Variants in SLC44A5 observed in about 807,000 individuals in gnomAD.
SLC44A5 encodes solute carrier family 44 member 5.
A neutral mutation model predicts 101.8 loss-of-function variants in SLC44A5; 57 were observed. The ratio of observed to expected loss-of-function variants is 0.56; its 90% CI spans 0.45 to 0.70. The LOEUF is 0.70. Ranked by LOEUF, SLC44A5 falls within the 30% of genes least tolerant of loss-of-function variation. SLC44A5 has a pLI of 0.00. For missense variants in SLC44A5, 737 were observed against 853.1 expected (o/e 0.86, Z 1.70); for synonymous variants, 281 against 290.9 (o/e 0.97, Z 0.35).
rs74487559 is a variant in SLC44A5 at position 75,583,397 on chromosome 1, A to G, written c.-70+27643T>C. On this transcript the variant is annotated intron_variant, in intron 1 of 23. Coordinates refer to ENST00000370859, the MANE Select transcript of SLC44A5 (RefSeq NM_001130058.2). ...TTCCTATGCCCTACATGTTTCCTAC[A>G]ATAGACAATGAGCTCTTTATCTGAC... 6.2e-3 allele frequency among the ~76,000 whole-genome samples: 951 copies of G among 152,248 alleles called. 11 individuals carry two copies. Among genetic ancestry groups the G allele is most frequent in the African/African-American group, 0.022 (902 of 41,546 alleles).
chr1:75,492,431 A>G (rs1310504158), intron 2 of SLC44A5, among the ~76,000 whole-genome samples: 1 of 152,222 alleles, frequency 6.6e-6, no homozygotes, highest in Non-Finnish European at 1.5e-5. Flanking sequence ...TCTGGCAAAA[A>G]GGAAGCACTC....
chr1:75,477,226 A>G (rs1036966521), intron 2 of SLC44A5, among the ~76,000 whole-genome samples: 1 of 152,242 alleles, frequency 6.6e-6, no homozygotes, highest in Non-Finnish European at 1.5e-5. Flanking sequence ...ACAAACAGAA[A>G]GGACATCCAC....
chr1:75,554,036 C>T (rs1035948800), intron 1 of SLC44A5, among the ~76,000 whole-genome samples: 1 of 151,990 alleles, frequency 6.6e-6, no homozygotes, highest in Non-Finnish European at 1.5e-5. Flanking sequence ...TTGAGGCCAA[C>T]GAAATTTGAA....
At chr1:75,638,152 TAA>T in the SLC44A5 span, among the ~76,000 whole-genome samples, 1 of 151,978 alleles carries the variant, frequency 6.6e-6, no homozygotes, top group Admixed American at 6.6e-5. Flanking sequence ...TGATACAAAA[TAA>T]AAAGACTTAA....
intron 9 of SLC44A5, among the ~76,000 whole-genome samples, chr1:75,239,017 A>C (rs1475317728): frequency 1.3e-5 from 2 of 152,138 alleles, no homozygotes; most frequent in Non-Finnish European, 2.9e-5. Flanking sequence ...TTTACTATTA[A>C]AAATACATAT....
intron 2 of SLC44A5, among the ~76,000 whole-genome samples, chr1:75,490,783 T>C (rs962740035): frequency 2.0e-5 from 3 of 152,198 alleles, no homozygotes; most frequent in South Asian, 4.1e-4. Flanking sequence ...CTATCTCCAG[T>C]GGTCAGGGAG....
At chr1:75,478,129 A>T (rs1219425663) in intron 2 of SLC44A5, among the ~76,000 whole-genome samples, 1 of 152,244 alleles carries the variant, frequency 6.6e-6, no homozygotes, top group Non-Finnish European at 1.5e-5. Context: ...TTGTCAACCC[A>T]GAATTTCATA....
At chr1:75,663,582 T>C in the SLC44A5 span, among the ~76,000 whole-genome samples, 1 of 152,156 alleles carries the variant, frequency 6.6e-6, no homozygotes, top group East Asian at 1.9e-4. Flanking sequence ...GATAAGTTCC[T>C]AGACATACAC....
intron 3 of SLC44A5, among the ~76,000 whole-genome samples, chr1:75,391,050 C>T (rs1374573716): frequency 6.6e-6 from 1 of 152,008 alleles, no homozygotes; most frequent in Non-Finnish European, 1.5e-5. Flanking sequence ...ACAGCAGTAA[C>T]ATTCAAGCTG....
At chr1:75,429,190 G>A (rs1294689229) in intron 2 of SLC44A5, among the ~76,000 whole-genome samples, 1 of 152,070 alleles carries the variant, frequency 6.6e-6, no homozygotes, top group East Asian at 1.9e-4. Context: ...AAGAATACCT[G>A]GAATGTTTTT....
At chr1:75,455,112 C>T (rs76001546) in intron 2 of SLC44A5, among the ~76,000 whole-genome samples, 35,599 of 152,006 alleles carry the variant, frequency 0.23, 4,292 homozygotes, top group African/African-American at 0.27. Flanking sequence ...CATTACCAAA[C>T]TTCAAACTAT....
chr1:75,596,811 G>A (rs1300924966), intron 1 of SLC44A5, among the ~76,000 whole-genome samples: 2 of 151,970 alleles, frequency 1.3e-5, no homozygotes, highest in Admixed American at 6.6e-5. Flanking sequence ...AAAACAATAA[G>A]AGCCATATAC....
the SLC44A5 span, among the ~76,000 whole-genome samples, chr1:75,704,006 G>A: frequency 6.7e-6 from 1 of 149,664 alleles, no homozygotes; most frequent in Admixed American, 6.6e-5. Context: ...TGGGCAACAT[G>A]GTGGGACCCT....
intron 5 of SLC44A5, among the ~76,000 whole-genome samples, chr1:75,285,813 T>C (rs569469252): frequency 4.0e-4 from 61 of 152,274 alleles, no homozygotes; most frequent in African/African-American, 1.2e-3. Context: ...TCTGATTTTA[T>C]TCTACTGTGG....
intron 7 of SLC44A5, among the ~76,000 whole-genome samples, chr1:75,249,209 G>A (rs964223691): frequency 2.0e-5 from 3 of 151,836 alleles, no homozygotes; most frequent in Non-Finnish European, 4.4e-5. Flanking sequence ...GGGAGATGAG[G>A]AAGCAAAAAA....
chr1:75,721,777 CAG>C, the SLC44A5 span, among the ~76,000 whole-genome samples: 1 of 152,074 alleles, frequency 6.6e-6, no homozygotes, highest in Admixed American at 6.5e-5. Flanking sequence ...TTTAAAAAGA[CAG>C]TTATTATTGG....
intron 1 of SLC44A5, among the ~76,000 whole-genome samples, chr1:75,548,513 T>A (rs1570587519): frequency 6.6e-6 from 1 of 152,252 alleles, no homozygotes; most frequent in East Asian, 1.9e-4. Flanking sequence ...AGACTGCAGA[T>A]TAAGAGCTAT....
chr1:75,331,736 C>T (rs890607373), intron 4 of SLC44A5, among the ~76,000 whole-genome samples: 6 of 152,156 alleles, frequency 3.9e-5, no homozygotes, highest in African/African-American at 1.4e-4. Flanking sequence ...CTCCCATCCA[C>T]CTTGCTGCAC....
the SLC44A5 span, among the ~76,000 whole-genome samples, chr1:75,687,715 T>C: frequency 8.5e-5 from 13 of 152,354 alleles, no homozygotes; most frequent in Non-Finnish European, 1.8e-4. Flanking sequence ...CTCACTTCCC[T>C]TTCTTGTGTA....
Sources: gnomAD v4.1 joint callset for allele counts (sites outside exome capture counted in the v4.1 genomes callset) on GRCh38, gnomAD v4.1.1 for gene constraint, MANE v1.5 for transcripts, NCBI Gene and HGNC (gene_info 2026-07-23, HGNC 2026-07-21) for gene names.